Variants in SLC25A27 observed in about 807,000 individuals in gnomAD.
SLC25A27 encodes the protein solute carrier family 25 member 27, also known as mitochondrial uncoupling protein 4.
Under a neutral mutation model 49.1 loss-of-function variants are expected in SLC25A27, and 35 were observed. The observed-to-expected ratio is 0.71, with a 90% CI of 0.54 to 0.95. The LOEUF (loss-of-function observed/expected upper bound fraction) is 0.95, where lower values mean the gene tolerates loss of function less well. Among genes scored for constraint, SLC25A27 ranks in the 40% least tolerant of loss-of-function variants. The pLI, the probability that SLC25A27 is intolerant of heterozygous loss-of-function variation, is 0.00. For synonymous variants in SLC25A27, 144 were observed against 136.9 expected, an observed-to-expected ratio of 1.05 and a Z score of -0.36; for missense variants, 339 against 397.1, an observed-to-expected ratio of 0.85 and a Z score of 1.24.
At chr6:46,664,739 A>G (rs983065258) in intron 4 of SLC25A27, 35 bp from the exon 5 acceptor site, 1 of 1,218,904 alleles carries the variant, frequency 8.2e-7, no homozygotes, top group Non-Finnish European at 1.2e-6. Flanking sequence ...ACAGGAATAC[A>G]TGGAGTTTTC....
chr6:46,668,594 G>T (rs1043007560), intron 5 of SLC25A27, 115 bp from the exon 6 acceptor site: 1 of 642,716 alleles, frequency 1.6e-6, no homozygotes. Context: ...AGAACAAGAA[G>T]GATTCCTTGG....
At position 46,677,688 on chromosome 6, in the gene SLC25A27, G is replaced by A. The variant is rs1406508186; in HGVS notation, c.*1234G>A. Reference sequence around the variant, plus strand: ...AGACGGTGGGCATTTCTGGATGGATGGCTGCGGTTATGGATAAAGGCTGTA... The same window carrying A: ...AGACGGTGGGCATTTCTGGATGGATAGCTGCGGTTATGGATAAAGGCTGTA... On this transcript the variant is annotated 3_prime_UTR_variant, in exon 9 of 9. Coordinates refer to ENST00000371347, the MANE Select transcript of SLC25A27 (RefSeq NM_004277.5). 6.6e-6 allele frequency: 1 copy of A among 152,432 alleles called. No homozygotes were observed. The highest frequency in any genetic ancestry group is 1.5e-5 in the Non-Finnish European group (1 of 68,026). The allele number at this position is 152,432 out of a possible 1,614,324, so 9.4% of individuals were successfully genotyped here. A position where few individuals can be genotyped will look rare whatever the true frequency, so the allele number is the denominator to read the frequency against.
intron 3 of SLC25A27, 84 bp from the exon 4 acceptor site, chr6:46,662,292 G>A (rs1006297781): frequency 8.4e-7 from 1 of 1,187,252 alleles, no homozygotes; most frequent in African/African-American, 1.5e-5. Context: ...CTCTTACCTA[G>A]GCCCTGTACC....
intron 4 of SLC25A27, among the ~76,000 whole-genome samples, chr6:46,664,190 ATTTG>A (rs1032809756): frequency 4.6e-5 from 7 of 152,190 alleles, no homozygotes. Flanking sequence ...AAGTTTTCAT[ATTTG>A]TTTATGCTTC....
At chr6:46,656,212 A>G (rs904344462) in intron 2 of SLC25A27, among the ~76,000 whole-genome samples, 178 bp downstream of exon 2, 2 of 151,294 alleles carry the variant, frequency 1.3e-5, no homozygotes, top group African/African-American at 4.9e-5. Flanking sequence ...ATGGAGTCAC[A>G]CTCTGTCGCC....
chr6:46,653,372 T>C lies in SLC25A27; in HGVS notation c.106+74T>C, dbSNP rs1333828613. On this transcript the variant is annotated intron_variant, in intron 1 of 8. Transcript: ENST00000371347. ...CGCTGGGGGAGGGTGCGCGGGCGGCTTCGCGCCCGGCAGTGCGCATCGGAG... is the reference window on the plus strand; with the variant it reads ...CGCTGGGGGAGGGTGCGCGGGCGGCCTCGCGCCCGGCAGTGCGCATCGGAG... 4 of 1,499,736 alleles carry C rather than the reference T, an allele frequency of 2.7e-6. No individual in the cohort carries two copies. In the East Asian group the frequency reaches 7.4e-5, roughly 28 times the overall value. The allele number at this position is 1,499,736 out of a possible 1,614,324, so 92.9% of individuals were successfully genotyped here. A position where few individuals can be genotyped will look rare whatever the true frequency, so the allele number is the denominator to read the frequency against.
chr6:46,662,533 C>A, intron 4 of SLC25A27, 35 bp downstream of exon 4: 1 of 1,606,614 alleles, frequency 6.2e-7, no homozygotes, highest in Non-Finnish European at 8.5e-7. Flanking sequence ...CTCTCTTTTT[C>A]CCTTGGCCAC....
At chr6:46,656,095 T>C in intron 2 of SLC25A27, 61 bp downstream of exon 2, 2 of 1,406,830 alleles carry the variant, frequency 1.4e-6, no homozygotes, top group Non-Finnish European at 1.9e-6. Context: ...CTCCTGTGCT[T>C]TTCTGTTTGT....
intron 3 of SLC25A27, among the ~76,000 whole-genome samples, chr6:46,661,614 G>T (rs1392243355): frequency 6.6e-6 from 1 of 152,214 alleles, no homozygotes; most frequent in South Asian, 2.1e-4. Flanking sequence ...TAGTGTTTAA[G>T]ACTGTGGGCT....
chr6:46,676,772 T>TCTTCAGCATA lies in SLC25A27; in HGVS notation c.*318_*319insCTTCAGCATA. 8.4e-7 allele frequency: 1 copy of TCTTCAGCATA among 1,187,300 alleles called. No individual in the cohort carries two copies. The highest frequency in any genetic ancestry group is 1.2e-6 in the Non-Finnish European group (1 of 816,902). The allele number at this position is 1,187,300 out of a possible 1,614,324, so 73.5% of individuals were successfully genotyped here. A position where few individuals can be genotyped will look rare whatever the true frequency, so the allele number is the denominator to read the frequency against. ...TGGCCTTTGAGTTGCTATTCTATGCTGAAGAGCCTGCTTAGAGGAGGAGTA... is the reference window on the plus strand; with the variant it reads ...TGGCCTTTGAGTTGCTATTCTATGCTCTTCAGCATAGAAGAGCCTGCTTAGAGGAGGAGTA... On this transcript the variant is annotated 3_prime_UTR_variant, in exon 9 of 9. Transcript: ENST00000371347.
chr6:46,659,830 G>C (rs906207419), intron 3 of SLC25A27, among the ~76,000 whole-genome samples: 7 of 151,302 alleles, frequency 4.6e-5, no homozygotes, highest in African/African-American at 1.7e-4. Flanking sequence ...ATTCCAGCCT[G>C]GGTGACAGAG....
chr6:46,668,951 A>G (rs1475004371), intron 6 of SLC25A27, among the ~76,000 whole-genome samples, 158 bp downstream of exon 6: 1 of 152,158 alleles, frequency 6.6e-6, no homozygotes, highest in Non-Finnish European at 1.5e-5. Flanking sequence ...AGTTTCTTGC[A>G]GTTAGAATGG....
At chr6:46,653,464 A>G (rs1582490440) in intron 1 of SLC25A27, 166 bp downstream of exon 1, 1 of 985,346 alleles carries the variant, frequency 1.0e-6, no homozygotes, top group Non-Finnish European at 1.2e-6. Context: ...TGGGAGGAGG[A>G]GGGATTGAGG....
At chr6:46,673,783 G>C (rs1763649180) in intron 8 of SLC25A27, among the ~76,000 whole-genome samples, 1 of 152,186 alleles carries the variant, frequency 6.6e-6, no homozygotes, top group South Asian at 2.1e-4. Context: ...TGGAGCACTT[G>C]CTTAAGCCCG....
chr6:46,653,141 G>A lies in SLC25A27; in HGVS notation c.-52G>A. ...GGCAGGGAAGCGGCCGCCGCGGCGC[G>A]GTGCAGCGCAGCGGCGAGAAGGAGT... On this transcript the variant is annotated 5_prime_UTR_variant, in exon 1 of 9. Transcript: ENST00000371347. 6.6e-7 allele frequency: 1 copy of A among 1,524,006 alleles called. No homozygotes were observed. The highest frequency in any genetic ancestry group is 9.0e-7 in the Non-Finnish European group (1 of 1,106,898). The allele number at this position is 1,524,006 out of a possible 1,614,324, so 94.4% of individuals were successfully genotyped here. A position where few individuals can be genotyped will look rare whatever the true frequency, so the allele number is the denominator to read the frequency against.
intron 2 of SLC25A27, among the ~76,000 whole-genome samples, chr6:46,656,548 G>A (rs749398454): frequency 6.6e-6 from 1 of 151,920 alleles, no homozygotes; most frequent in Non-Finnish European, 1.5e-5. Flanking sequence ...GTTTCACCAT[G>A]TTGATCAGAC....
chr6:46,653,894 A>G, intron 1 of SLC25A27: 2 of 969,714 alleles, frequency 2.1e-6, no homozygotes, highest in African/African-American at 3.5e-5. Context: ...AATTCCTACA[A>G]TACCAGGGAC....
At chr6:46,668,464 G>A (rs1435275490) in intron 5 of SLC25A27, among the ~76,000 whole-genome samples, 1 of 152,116 alleles carries the variant, frequency 6.6e-6, no homozygotes, top group Non-Finnish European at 1.5e-5. Flanking sequence ...CTCAAATACT[G>A]AAAGGCCCAG....
chr6:46,665,075 G>C (rs1763279727), intron 5 of SLC25A27, among the ~76,000 whole-genome samples, 189 bp downstream of exon 5: 1 of 152,136 alleles, frequency 6.6e-6, no homozygotes, highest in Non-Finnish European at 1.5e-5. Context: ...TCATTCTATA[G>C]TGATGTATGA....
Sources: gnomAD v4.1 joint callset for allele counts (sites outside exome capture counted in the v4.1 genomes callset) on GRCh38, gnomAD v4.1.1 for gene constraint, MANE v1.5 for transcripts, NCBI Gene and HGNC (gene_info 2026-07-23, HGNC 2026-07-21) for gene names.